Variants in SPAG16 observed in about 807,000 individuals in gnomAD.
SPAG16 encodes sperm-associated antigen 16 protein.
A neutral mutation model predicts 80.4 loss-of-function variants in SPAG16; 86 were observed. The ratio of observed to expected loss-of-function variants is 1.07; its 90% CI spans 0.90 to 1.28. The LOEUF is 1.28. Among genes scored for constraint, SPAG16 ranks in the 50% most tolerant of loss-of-function variants. SPAG16 has a pLI of 0.00. For synonymous variants in SPAG16, 294 were observed against 265.9 expected (o/e 1.11, Z -1.03); for missense variants, 870 against 765.3 (o/e 1.14, Z -1.61).
At chr2:213,862,152 C>G (rs775400765) in intron 10 of SPAG16, among the ~76,000 whole-genome samples, 5 of 152,060 alleles carry the variant, frequency 3.3e-5, no homozygotes, top group African/African-American at 1.2e-4. Context: ...ATAAAAATAC[C>G]ATTGGCATAA....
chr2:214,403,651 G>A (rs922961190), intron 15 of SPAG16, among the ~76,000 whole-genome samples: 6 of 152,092 alleles, frequency 3.9e-5, no homozygotes, highest in Non-Finnish European at 7.4e-5. Context: ...GATAATGCAA[G>A]TAAAGGACTT....
At chr2:213,449,569 C>T (rs2071563559) in intron 9 of SPAG16, among the ~76,000 whole-genome samples, 1 of 152,186 alleles carries the variant, frequency 6.6e-6, no homozygotes, top group South Asian at 2.1e-4. Context: ...TATACTGTCT[C>T]TCTTTATTTC....
chr2:213,898,248 T>G (rs930204955), intron 11 of SPAG16, among the ~76,000 whole-genome samples: 2 of 152,200 alleles, frequency 1.3e-5, no homozygotes, highest in African/African-American at 4.8e-5. Flanking sequence ...TTTCCTGATG[T>G]TCTAATTTAT....
At chr2:213,836,187 C>A (rs1158645765) in intron 10 of SPAG16, among the ~76,000 whole-genome samples, 2 of 132,200 alleles carry the variant, frequency 1.5e-5, no homozygotes, top group East Asian at 2.6e-4. Flanking sequence ...CCCCCCCCCC[C>A]ATTTCCTATG....
At chr2:213,628,297 C>T (rs1043514297) in intron 10 of SPAG16, among the ~76,000 whole-genome samples, 1 of 152,124 alleles carries the variant, frequency 6.6e-6, no homozygotes, top group Non-Finnish European at 1.5e-5. Context: ...GTACCAAGAC[C>T]TAAATGAAGC....
chr2:213,290,404 C>T (rs2062223630), intron 1 of SPAG16, among the ~76,000 whole-genome samples: 1 of 152,148 alleles, frequency 6.6e-6, no homozygotes, highest in South Asian at 2.1e-4. Flanking sequence ...GCCATGGACA[C>T]TACCCCAGGC....
At chr2:213,842,759 G>T (rs933336788) in intron 10 of SPAG16, among the ~76,000 whole-genome samples, 1 of 152,008 alleles carries the variant, frequency 6.6e-6, no homozygotes, top group Non-Finnish European at 1.5e-5. Flanking sequence ...CTATGTTTTA[G>T]GTGCTATTAT....
chr2:214,125,093 G>A (rs1236656728), intron 14 of SPAG16, among the ~76,000 whole-genome samples: 2 of 150,932 alleles, frequency 1.3e-5, no homozygotes, highest in African/African-American at 4.9e-5. Flanking sequence ...TATTTGGGTG[G>A]TTGTGAAGTG....
intron 15 of SPAG16, among the ~76,000 whole-genome samples, chr2:214,345,565 C>A (rs1157646574): frequency 6.6e-6 from 1 of 152,048 alleles, no homozygotes; most frequent in Admixed American, 6.6e-5. Flanking sequence ...TTACTTGCAT[C>A]AAAAATGTTG....
intron 1 of SPAG16, among the ~76,000 whole-genome samples, chr2:213,291,033 C>T (rs1394109887): frequency 1.3e-5 from 2 of 152,188 alleles, no homozygotes; most frequent in East Asian, 3.8e-4. Flanking sequence ...AGAAACTCAT[C>T]TGTTTTCATT....
At chr2:213,465,301 A>G (rs776687830) in intron 9 of SPAG16, among the ~76,000 whole-genome samples, 11 of 152,170 alleles carry the variant, frequency 7.2e-5, no homozygotes, top group Non-Finnish European at 1.5e-4. Context: ...TAACTCAGCT[A>G]GTTGAGCACT....
chr2:213,877,949 A>G (rs1043325966), intron 11 of SPAG16, among the ~76,000 whole-genome samples: 1 of 152,160 alleles, frequency 6.6e-6, no homozygotes, highest in Admixed American at 6.6e-5. Context: ...AGTGATACTC[A>G]GTGTATCATT....
chr2:213,736,848 G>A (rs1055343947), intron 10 of SPAG16, among the ~76,000 whole-genome samples: 3 of 151,836 alleles, frequency 2.0e-5, no homozygotes, highest in Admixed American at 6.6e-5. Flanking sequence ...GGGATTACAG[G>A]CGCGCACCAC....
intron 10 of SPAG16, among the ~76,000 whole-genome samples, chr2:213,856,991 AG>A (rs1184764357): frequency 6.6e-6 from 1 of 152,190 alleles, no homozygotes; most frequent in Non-Finnish European, 1.5e-5. Flanking sequence ...GCACTTTGGG[AG>A]GCCAAGGAGG....
chr2:213,958,127 C>A (rs74613397), intron 12 of SPAG16, among the ~76,000 whole-genome samples: 22,597 of 152,176 alleles, frequency 0.15, 2,051 homozygotes, highest in Non-Finnish European at 0.21. Context: ...AAAGAGAGAG[C>A]AAAATACCTG....
At chr2:213,567,499 T>C (rs1351348680) in intron 10 of SPAG16, among the ~76,000 whole-genome samples, 1 of 119,780 alleles carries the variant, frequency 8.3e-6, no homozygotes, top group Middle Eastern at 3.4e-3. Context: ...TTTTTGTTCT[T>C]GCGATAGTTT....
At chr2:214,175,815 A>G (rs748429147) in intron 15 of SPAG16, among the ~76,000 whole-genome samples, 35 of 151,500 alleles carry the variant, frequency 2.3e-4, no homozygotes, top group Non-Finnish European at 4.4e-4. Context: ...TTTTTGTTGT[A>G]ATTTGATGGC....
intron 14 of SPAG16, among the ~76,000 whole-genome samples, chr2:214,148,117 T>C (rs978604507): frequency 3.3e-5 from 5 of 152,126 alleles, no homozygotes; most frequent in African/African-American, 1.2e-4. Context: ...ATAAACATAA[T>C]TGATGATTTT....
At chr2:213,435,896 A>G (rs912934336) in intron 9 of SPAG16, among the ~76,000 whole-genome samples, 9 of 152,158 alleles carry the variant, frequency 5.9e-5, no homozygotes, top group African/African-American at 4.8e-5. Context: ...TGCTATCTAT[A>G]TAATTTTGGA....
Sources: allele counts gnomAD v4.1 joint callset (sites outside exome capture counted in the v4.1 genomes callset), GRCh38; gene constraint gnomAD v4.1.1; transcripts MANE v1.5; gene names NCBI Gene and HGNC (gene_info 2026-07-23, HGNC 2026-07-21).